The following IQSEC1 variants were observed in gnomAD, a reference collection of about 807,000 sequenced individuals.
IQSEC1 encodes the protein IQ motif and SEC7 domain-containing protein 1.
IQSEC1 carries 31 observed loss-of-function variants against 91.0 expected under a neutral mutation model. The observed-to-expected ratio is 0.34, with a 90% CI of 0.26 to 0.46. The LOEUF is 0.46. IQSEC1 is among the 20% of genes least tolerant of loss of function. The probability of loss-of-function intolerance (pLI) is 1.00; values close to 1 mark genes in which losing one functional copy is unlikely to be tolerated. For missense variants in IQSEC1, 1,388 were observed against 1,575.6 expected, an observed-to-expected ratio of 0.88 and a Z score of 2.02; for synonymous variants, 699 against 662.6, an observed-to-expected ratio of 1.05 and a Z score of -0.84.
intron 1 of IQSEC1, among the ~76,000 whole-genome samples, chr3:12,957,833 G>C (rs555731089): frequency 9.8e-5 from 15 of 152,332 alleles, no homozygotes; most frequent in African/African-American, 3.4e-4. Context: ...ATCCACACTA[G>C]AGTGGCACGT....
intron 1 of IQSEC1, chr3:13,015,630 G>A (rs1464403771): frequency 2.0e-6 from 2 of 985,208 alleles, no homozygotes; most frequent in Admixed American, 6.2e-5. Context: ...TGCCTGGCCT[G>A]CCTCTGCGGC....
intron 1 of IQSEC1, among the ~76,000 whole-genome samples, chr3:13,001,797 G>T (rs1250792233): frequency 6.6e-6 from 1 of 152,178 alleles, no homozygotes; most frequent in Non-Finnish European, 1.5e-5. Flanking sequence ...GATGGCTCAC[G>T]CCTGTAATCC....
chr3:12,998,670 A>AG (rs1702310717), intron 1 of IQSEC1, among the ~76,000 whole-genome samples: 1 of 152,106 alleles, frequency 6.6e-6, no homozygotes, highest in Non-Finnish European at 1.5e-5. Flanking sequence ...AAAAAAAAAG[A>AG]GGGGGTATAG....
intron 1 of IQSEC1, among the ~76,000 whole-genome samples, chr3:13,266,278 C>T (rs1036230811): frequency 6.6e-6 from 1 of 152,228 alleles, no homozygotes; most frequent in African/African-American, 2.4e-5. Context: ...GACAGTGTTC[C>T]ATCTCAATGC....
chr3:12,899,199 G>T lies in IQSEC1; in HGVS notation c.*1784C>A. 1 of 620,736 alleles carries T rather than the reference G, an allele frequency of 1.6e-6. No homozygotes were observed. Among genetic ancestry groups the T allele is most frequent in the Non-Finnish European group, 2.8e-6 (1 of 353,204 alleles). 38.5% of individuals were successfully genotyped at this position (620,736 alleles called of 1,614,324 possible). A position where few individuals can be genotyped will look rare whatever the true frequency, so the allele number is the denominator to read the frequency against. On this transcript the variant is annotated 3_prime_UTR_variant, in exon 14 of 14. Coordinates refer to ENST00000613206, the MANE Select transcript of IQSEC1 (RefSeq NM_001134382.3). The stretch of plus-strand genomic sequence containing the variant: ...GAGGAGGGAAATCGGCAAAACCCTG[G>T]CCAGCCAGCCAGCCAAGGTGACACA...
At chr3:13,278,367 C>T (rs762309654) in intron 1 of IQSEC1, among the ~76,000 whole-genome samples, 33 of 152,356 alleles carry the variant, frequency 2.2e-4, no homozygotes, top group Admixed American at 1.1e-3. Context: ...TGCCACCCCA[C>T]GTGACACCGT....
chr3:13,277,317 G>C (rs1407159643), intron 1 of IQSEC1, among the ~76,000 whole-genome samples: 1 of 152,034 alleles, frequency 6.6e-6, no homozygotes, highest in Non-Finnish European at 1.5e-5. Context: ...CCTGATCTCT[G>C]CCAGGTGCAG....
intron 1 of IQSEC1, among the ~76,000 whole-genome samples, chr3:13,184,745 G>A (rs1167104252): frequency 2.0e-5 from 3 of 152,228 alleles, no homozygotes; most frequent in Non-Finnish European, 2.9e-5. Flanking sequence ...TGTGCTTAGC[G>A]AGGTCACAGG....
intron 1 of IQSEC1, among the ~76,000 whole-genome samples, chr3:13,203,230 C>A (rs1237150061): frequency 6.6e-6 from 1 of 151,986 alleles, no homozygotes; most frequent in Non-Finnish European, 1.5e-5. Context: ...CACATACATG[C>A]ACACACACAC....
At chr3:13,069,947 A>C (rs904106560) in intron 1 of IQSEC1, among the ~76,000 whole-genome samples, 2 of 152,174 alleles carry the variant, frequency 1.3e-5, no homozygotes, top group African/African-American at 4.8e-5. Context: ...TTTTGTTGTC[A>C]TCCTTTATCC....
intron 1 of IQSEC1, among the ~76,000 whole-genome samples, chr3:12,951,651 T>C (rs1014352536): frequency 1.3e-5 from 2 of 152,132 alleles, no homozygotes; most frequent in African/African-American, 4.8e-5. Context: ...TGCCTGGCTG[T>C]TGACCAAAAA....
intron 3 of IQSEC1, among the ~76,000 whole-genome samples, chr3:12,928,398 G>A (rs1697353069): frequency 6.6e-6 from 1 of 152,236 alleles, no homozygotes; most frequent in African/African-American, 2.4e-5. Flanking sequence ...GCCTAGGCCG[G>A]TGATGAAGAG....
chr3:13,123,637 G>A (rs942981774), intron 2 of IQSEC1, among the ~76,000 whole-genome samples: 22 of 152,368 alleles, frequency 1.4e-4, no homozygotes, highest in Non-Finnish European at 2.5e-4. Context: ...AAGGCCAAGC[G>A]TCCTCTGCAG....
chr3:13,155,102 T>C (rs975892711), intron 2 of IQSEC1, among the ~76,000 whole-genome samples: 2 of 152,124 alleles, frequency 1.3e-5, no homozygotes, highest in Non-Finnish European at 2.9e-5. Flanking sequence ...GTAAACCCAA[T>C]GCTGGCAGCA....
At chr3:12,903,326 C>T (rs959585997) in intron 12 of IQSEC1, among the ~76,000 whole-genome samples, 9 of 151,964 alleles carry the variant, frequency 5.9e-5, no homozygotes, top group Non-Finnish European at 1.2e-4. Flanking sequence ...CTTGGCAGGA[C>T]GAGCACTGAG....
At chr3:13,280,181 G>T (rs1695763444) in intron 1 of IQSEC1, among the ~76,000 whole-genome samples, 1 of 152,216 alleles carries the variant, frequency 6.6e-6, no homozygotes, top group Admixed American at 6.5e-5. Context: ...GAAGTGCAGG[G>T]CTGGGCCTAG....
At chr3:13,074,853 T>A (rs1705537833), upstream of IQSEC1, among the ~76,000 whole-genome samples, 1 of 152,178 alleles carries the variant, frequency 6.6e-6, no homozygotes, top group Non-Finnish European at 1.5e-5. Context: ...ATTCCATCCT[T>A]TACAGGGGAG....
At chr3:13,097,027 A>AT (rs539686821) in intron 2 of IQSEC1, among the ~76,000 whole-genome samples, 2 of 151,936 alleles carry the variant, frequency 1.3e-5, no homozygotes, top group East Asian at 3.9e-4. Context: ...CGCCTGGCTA[A>AT]TTTTTTGTAT....
At chr3:12,917,986 G>A (rs1436605968) in intron 6 of IQSEC1, among the ~76,000 whole-genome samples, 1 of 152,212 alleles carries the variant, frequency 6.6e-6, no homozygotes, top group Admixed American at 6.5e-5. Context: ...GAGGATGTGT[G>A]TTGGGGAGGG....
Sources: allele counts gnomAD v4.1 joint callset (sites outside exome capture counted in the v4.1 genomes callset), GRCh38; gene constraint gnomAD v4.1.1; transcripts MANE v1.5; gene names NCBI Gene and HGNC (gene_info 2026-07-23, HGNC 2026-07-21).